The following SGCZ variants were observed in gnomAD, a reference collection of about 807,000 sequenced individuals.
SGCZ encodes the protein zeta-sarcoglycan.
Under a neutral mutation model 41.3 loss-of-function variants are expected in SGCZ, and 40 were observed. That is an observed-to-expected ratio of 0.97 (90% CI 0.75 to 1.26). The LOEUF is 1.26. SGCZ is among the 50% of genes most tolerant of loss of function. The pLI, the probability that SGCZ is intolerant of heterozygous loss-of-function variation, is 0.00. For synonymous variants in SGCZ, 206 were observed against 137.5 expected (o/e 1.50, Z -3.49); for missense variants, 552 against 369.8 (o/e 1.49, Z -4.04).
rs144219232 is a variant in SGCZ at position 14,380,824 on chromosome 8, A to G, written c.235-56620T>C. 7.3e-3 allele frequency among the ~76,000 whole-genome samples: 1,110 copies of G among 152,214 alleles called. 19 individuals are homozygous for G. Among genetic ancestry groups the G allele is most frequent in the African/African-American group, 0.025 (1,051 of 41,512 alleles). On this transcript the variant is annotated intron_variant, in intron 2 of 7. Transcript: ENST00000382080. The stretch of plus-strand genomic sequence containing the variant: ...CAGTGAGTTGAGATCATGCCACTGC[A>G]CTCCAGCCTGGGCAACAGAGTGAGA...
At chr8:14,591,609 T>C (rs1563137568) in intron 1 of SGCZ, among the ~76,000 whole-genome samples, 2 of 152,150 alleles carry the variant, frequency 1.3e-5, no homozygotes, top group South Asian at 4.1e-4. Flanking sequence ...TTGCACCTTA[T>C]GCAAACGTTA....
At chr8:14,575,968 A>C (rs2117243592) in intron 1 of SGCZ, among the ~76,000 whole-genome samples, 1 of 151,680 alleles carries the variant, frequency 6.6e-6, no homozygotes, top group Non-Finnish European at 1.5e-5. Context: ...GAATTGAATT[A>C]CATTTTTATA....
chr8:14,246,640 G>A (rs1799102141), intron 3 of SGCZ, among the ~76,000 whole-genome samples: 1 of 151,592 alleles, frequency 6.6e-6, no homozygotes, highest in Non-Finnish European at 1.5e-5. Flanking sequence ...GGGCATGGCG[G>A]CTGAAGCCTG....
chr8:14,209,298 C>G (rs972888656), intron 4 of SGCZ, among the ~76,000 whole-genome samples: 2 of 152,106 alleles, frequency 1.3e-5, no homozygotes, highest in Non-Finnish European at 2.9e-5. Flanking sequence ...AATTCTTATT[C>G]AGAAGCCCCT....
At chr8:15,059,788 C>A (rs1168884828) in intron 1 of SGCZ, among the ~76,000 whole-genome samples, 1 of 152,122 alleles carries the variant, frequency 6.6e-6, no homozygotes, top group Non-Finnish European at 1.5e-5. Context: ...GAGAATTTTC[C>A]TTTCCCTCAT....
At chr8:14,993,350 C>A (rs2130898340) in intron 1 of SGCZ, among the ~76,000 whole-genome samples, 1 of 152,166 alleles carries the variant, frequency 6.6e-6, no homozygotes, top group African/African-American at 2.4e-5. Flanking sequence ...TACCCAAAAA[C>A]CACAGGCTAT....
At chr8:14,636,620 C>T (rs539037999) in intron 1 of SGCZ, among the ~76,000 whole-genome samples, 1 of 151,782 alleles carries the variant, frequency 6.6e-6, no homozygotes, top group Non-Finnish European at 1.5e-5. Flanking sequence ...TTTCAGGTGT[C>T]ATTGAGACAA....
chr8:14,253,087 T>C (rs1799339367), intron 3 of SGCZ, among the ~76,000 whole-genome samples: 1 of 151,790 alleles, frequency 6.6e-6, no homozygotes, highest in Non-Finnish European at 1.5e-5. Flanking sequence ...AAGGCTAGAG[T>C]ATGGAGGTAA....
intron 1 of SGCZ, among the ~76,000 whole-genome samples, chr8:15,198,506 C>T (rs1373384691): frequency 6.6e-6 from 1 of 152,094 alleles, no homozygotes; most frequent in Non-Finnish European, 1.5e-5. Flanking sequence ...GCACATCAAT[C>T]TGGGATAATT....
intron 3 of SGCZ, among the ~76,000 whole-genome samples, chr8:14,273,387 T>C (rs1021075429): frequency 4.6e-5 from 7 of 152,100 alleles, no homozygotes; most frequent in East Asian, 1.9e-4. Context: ...TCTCTCTTTC[T>C]GAAATGACTG....
At chr8:14,759,308 C>CTT (rs988450505) in intron 1 of SGCZ, among the ~76,000 whole-genome samples, 22 of 151,310 alleles carry the variant, frequency 1.5e-4, no homozygotes, top group Non-Finnish European at 8.8e-5. Context: ...AAACATTCAC[C>CTT]TTTTATCTGA....
chr8:15,045,147 A>T (rs1804256142), intron 1 of SGCZ, among the ~76,000 whole-genome samples: 1 of 152,024 alleles, frequency 6.6e-6, no homozygotes, highest in Non-Finnish European at 1.5e-5. Flanking sequence ...GCATTGTAAA[A>T]TACCCAACCA....
chr8:14,980,429 T>A (rs1181634484), intron 1 of SGCZ, among the ~76,000 whole-genome samples: 1 of 152,224 alleles, frequency 6.6e-6, no homozygotes, highest in African/African-American at 2.4e-5. Context: ...TTTGTCTTCA[T>A]TGATATAGAA....
chr8:15,168,988 A>T (rs1799749095), intron 1 of SGCZ, among the ~76,000 whole-genome samples: 1 of 152,174 alleles, frequency 6.6e-6, no homozygotes, highest in Admixed American at 6.5e-5. Flanking sequence ...CTGGGAATTT[A>T]TGAGCTGTCT....
chr8:14,787,766 A>T (rs975026148), intron 1 of SGCZ, among the ~76,000 whole-genome samples: 1 of 152,060 alleles, frequency 6.6e-6, no homozygotes, highest in African/African-American at 2.4e-5. Context: ...GAATCGCTTG[A>T]ACTCGGGATG....
intron 2 of SGCZ, among the ~76,000 whole-genome samples, chr8:14,380,714 T>C (rs1804330071): frequency 6.6e-6 from 1 of 152,072 alleles, no homozygotes; most frequent in Non-Finnish European, 1.5e-5. Flanking sequence ...TAGCTGGGCA[T>C]GGTGGTGCGT....
chr8:14,638,693 C>G (rs1057015122), intron 1 of SGCZ, among the ~76,000 whole-genome samples: 2 of 151,776 alleles, frequency 1.3e-5, no homozygotes, highest in African/African-American at 4.8e-5. Context: ...GTTTTCTCCC[C>G]TGACAGATAT....
Position 14,359,616 on chromosome 8 carries a change from A to G in SGCZ, c.235-35412T>C, listed in dbSNP as rs191467736. Among the ~76,000 whole-genome samples the G allele has an allele frequency of 1.5e-3, 226 of 152,098 alleles. 1 individual carries two copies. The highest frequency in any genetic ancestry group is 0.014 in the Admixed American group (209 of 15,258). The stretch of plus-strand genomic sequence containing the variant: ...CAAACATATAGGAATTAAACAATAC[A>G]CTCCTGAGATTAAGGCTGTAAGTCT... On this transcript the variant is annotated intron_variant, in intron 2 of 7. Coordinates refer to ENST00000382080, the MANE Select transcript of SGCZ (RefSeq NM_139167.4).
At chr8:15,149,935 C>A (rs1585614766) in intron 1 of SGCZ, among the ~76,000 whole-genome samples, 1 of 152,024 alleles carries the variant, frequency 6.6e-6, no homozygotes, top group Non-Finnish European at 1.5e-5. Flanking sequence ...GGAAACCATG[C>A]CAAGGAGTAC....
Sources: gnomAD v4.1 joint callset for allele counts (sites outside exome capture counted in the v4.1 genomes callset) on GRCh38, gnomAD v4.1.1 for gene constraint, MANE v1.5 for transcripts, NCBI Gene and HGNC (gene_info 2026-07-23, HGNC 2026-07-21) for gene names.